Variants in IPO11 observed in about 807,000 individuals in gnomAD.
The protein encoded by IPO11 is importin-11.
In IPO11, 66 loss-of-function variants were observed where a neutral mutation model predicts 143.2. The ratio of observed to expected loss-of-function variants is 0.46; its 90% CI spans 0.38 to 0.57. IPO11 has a LOEUF of 0.57. Ranked by LOEUF, IPO11 falls within the 20% of genes least tolerant of loss-of-function variation. The pLI is 0.00. For missense variants in IPO11, 1,026 were observed against 1,141.0 expected (o/e 0.90, Z 1.45); for synonymous variants, 385 against 377.8 (o/e 1.02, Z -0.22).
chr5:62,593,146 G>T (rs1745093565), intron 28 of IPO11, among the ~76,000 whole-genome samples: 1 of 149,470 alleles, frequency 6.7e-6, no homozygotes, highest in East Asian at 2.0e-4. Context: ...ACACCAAACA[G>T]TACAGTTCTA....
chr5:62,587,359 G>A (rs1263370250), intron 27 of IPO11, among the ~76,000 whole-genome samples: 1 of 152,050 alleles, frequency 6.6e-6, no homozygotes, highest in African/African-American at 2.4e-5. Context: ...TTTCAGGGGA[G>A]CTAGATTTAT....
At chr5:62,622,728 A>C (rs1177917416) in intron 29 of IPO11, among the ~76,000 whole-genome samples, 1 of 152,256 alleles carries the variant, frequency 6.6e-6, no homozygotes. Flanking sequence ...GGACTAATAG[A>C]AAGAAAAATA....
intron 13 of IPO11, 118 bp downstream of exon 13, chr5:62,487,979 T>G: frequency 1.2e-6 from 1 of 838,922 alleles, no homozygotes; most frequent in East Asian, 3.1e-5. Context: ...AAATATGAAT[T>G]TGAGAAAAAC....
rs1047472951 is a variant in IPO11 at position 62,620,010 on chromosome 5, G to A, written c.2764-7144G>A. Among the ~76,000 whole-genome samples the A allele has an allele frequency of 3.3e-5, 5 of 152,262 alleles. No individual in the cohort carries two copies. In the East Asian group the frequency reaches 5.8e-4, roughly 18 times the overall value. ...ACACAAGAGAGGCAGGAGCAGGAGT[G>A]GGTCTTGAAATCCGCAGTCTTTAAG... On this transcript the variant is annotated intron_variant, in intron 29 of 29. Transcript: ENST00000325324.
intron 12 of IPO11, among the ~76,000 whole-genome samples, chr5:62,486,266 C>G (rs1746402841): frequency 6.6e-6 from 1 of 152,166 alleles, no homozygotes; most frequent in Non-Finnish European, 1.5e-5. Context: ...AGGCGTGAGC[C>G]ACTGTGCCTG....
At chr5:62,492,009 T>C (rs112522052) in intron 15 of IPO11, among the ~76,000 whole-genome samples, 61 of 152,296 alleles carry the variant, frequency 4.0e-4, no homozygotes, top group African/African-American at 1.5e-3. Flanking sequence ...TGCATTATAT[T>C]TCTAATGGAC....
intron 26 of IPO11, among the ~76,000 whole-genome samples, chr5:62,558,014 A>G (rs940673975): frequency 6.6e-6 from 1 of 152,190 alleles, no homozygotes; most frequent in Non-Finnish European, 1.5e-5. Flanking sequence ...CCAAGGCTCA[A>G]TGTACTGTGG....
rs960009978 is a variant in IPO11 at position 62,444,169 on chromosome 5, T to C, written c.239+1086T>C. ...GGAGTGCAATGGCATGATCTCGGCC[T>C]ACTGCAAGCTCTGCCTCACGGGTTC... On this transcript the variant is annotated intron_variant, in intron 3 of 29. Coordinates refer to ENST00000325324, the MANE Select transcript of IPO11 (RefSeq NM_016338.5). Among the ~76,000 whole-genome samples the C allele has an allele frequency of 5.3e-5, 8 of 150,906 alleles. No homozygotes were observed. In the East Asian group the frequency reaches 1.2e-3, roughly 22 times the overall value.
At chr5:62,483,857 G>A (rs1290488044) in intron 10 of IPO11, among the ~76,000 whole-genome samples, 153 bp from the exon 11 acceptor site, 2 of 152,090 alleles carry the variant, frequency 1.3e-5, no homozygotes, top group African/African-American at 4.8e-5. Flanking sequence ...TAAGGAAAGA[G>A]TATCTTTGAG....
chr5:62,578,839 A>G (rs746626798), intron 27 of IPO11: 1 of 377,778 alleles, frequency 2.6e-6, no homozygotes. Context: ...GCAGTGCCAC[A>G]GAACAAACTG....
At chr5:62,555,891 A>G (rs149575401) in intron 26 of IPO11, among the ~76,000 whole-genome samples, 1 of 151,604 alleles carries the variant, frequency 6.6e-6, no homozygotes, top group East Asian at 1.9e-4. Context: ...CTCAAGAGAT[A>G]CTCCTGCCCC....
At chr5:62,608,045 C>T (rs1307528069) in intron 29 of IPO11, among the ~76,000 whole-genome samples, 1 of 152,156 alleles carries the variant, frequency 6.6e-6, no homozygotes, top group Admixed American at 6.5e-5. Context: ...TCCTGAACTC[C>T]TGACCTCAAG....
Position 62,419,191 on chromosome 5 carries a change from A to G in IPO11, c.-7+6262A>G. 3 of 1,509,744 alleles carry G rather than the reference A, an allele frequency of 2.0e-6. No homozygotes were observed. In the South Asian group the frequency reaches 3.7e-5, roughly 19 times the overall value. 93.5% of individuals were successfully genotyped at this position (1,509,744 alleles called of 1,614,324 possible). ...AGGTACTGTAAAAATACAGTGTAGA[A>G]GTAAAAAATGGTACATCTGTACAGG... On this transcript the variant is annotated intron_variant, in intron 1 of 29. Coordinates refer to ENST00000325324, the MANE Select transcript of IPO11 (RefSeq NM_016338.5).
intron 28 of IPO11, among the ~76,000 whole-genome samples, chr5:62,600,685 T>TTATA (rs71608516): frequency 0.088 from 13,465 of 152,176 alleles, 638 homozygotes; most frequent in East Asian, 0.14. Flanking sequence ...CTACACTGTA[T>TTATA]TATATCATGG....
intron 28 of IPO11, among the ~76,000 whole-genome samples, chr5:62,595,145 G>A (rs1256325610): frequency 6.6e-6 from 1 of 152,160 alleles, no homozygotes; most frequent in African/African-American, 2.4e-5. Flanking sequence ...CAGAATCTTT[G>A]GGGGTCACAC....
At chr5:62,580,690 G>T in intron 27 of IPO11, 7 of 1,551,428 alleles carry the variant, frequency 4.5e-6, no homozygotes, top group Non-Finnish European at 6.1e-6. Context: ...TTGGGCTGTT[G>T]TAAAATCTCC....
At position 62,504,852 on chromosome 5, in the gene IPO11, CT is replaced by C; in HGVS notation, c.1625-4del. On this transcript the variant is annotated splice_polypyrimidine_tract_variant and splice_region_variant and intron_variant, in intron 17 of 29. Coordinates refer to ENST00000325324, the MANE Select transcript of IPO11 (RefSeq NM_016338.5). ...ATATTCTCAGTATTCCTTAACTGTT[CT>C]TCACCTGTTGATGATTTTGAATTTA... is the stretch of plus-strand genomic sequence containing the variant. 1 of 1,547,170 alleles carries C rather than the reference CT, an allele frequency of 6.5e-7. No homozygotes were observed. Among genetic ancestry groups the C allele is most frequent in the South Asian group, 1.2e-5 (1 of 83,440 alleles).
intron 24 of IPO11, among the ~76,000 whole-genome samples, chr5:62,544,715 C>T (rs1743093361): frequency 6.6e-6 from 1 of 152,058 alleles, no homozygotes; most frequent in Non-Finnish European, 1.5e-5. Context: ...TCATCTCAGC[C>T]CAAAATCTCC....
intron 27 of IPO11, among the ~76,000 whole-genome samples, chr5:62,572,120 A>G (rs981372314): frequency 6.6e-6 from 1 of 152,246 alleles, no homozygotes; most frequent in African/African-American, 2.4e-5. Context: ...GAGTACCTCA[A>G]GTAATGCTCT....
Sources: allele counts gnomAD v4.1 joint callset (sites outside exome capture counted in the v4.1 genomes callset), GRCh38; gene constraint gnomAD v4.1.1; transcripts MANE v1.5; gene names NCBI Gene and HGNC (gene_info 2026-07-23, HGNC 2026-07-21).